PIK3C3: variants seen among roughly 807,000 people sequenced by gnomAD.
PIK3C3 encodes phosphatidylinositol 3-kinase catalytic subunit type 3, also known as PI3-kinase type 3.
In PIK3C3, 95 loss-of-function variants were observed where a neutral mutation model predicts 126.1. The observed-to-expected ratio is 0.75, with a 90% CI of 0.64 to 0.89. The LOEUF is 0.89. Ranked by LOEUF, PIK3C3 falls within the 40% of genes least tolerant of loss-of-function variation. The pLI is 0.00. For missense variants in PIK3C3, 829 were observed against 1,063.2 expected, an observed-to-expected ratio of 0.78 and a Z score of 3.06; for synonymous variants, 374 against 360.0, an observed-to-expected ratio of 1.04 and a Z score of -0.44.
chr18:42,052,111 G>C (rs1308872557), intron 21 of PIK3C3, among the ~76,000 whole-genome samples: 1 of 151,984 alleles, frequency 6.6e-6, no homozygotes, highest in African/African-American at 2.4e-5. Context: ...ATCAGACAGT[G>C]TAAAAAACCT....
intron 20 of PIK3C3, among the ~76,000 whole-genome samples, chr18:42,048,257 C>A (rs753061666): frequency 5.9e-5 from 9 of 152,110 alleles, no homozygotes; most frequent in Non-Finnish European, 1.2e-4. Flanking sequence ...GTGATTAGGA[C>A]CAGGTGAAGG....
chr18:42,009,083 TTAATTTTCTGTTATA>T (rs764853246), intron 10 of PIK3C3, among the ~76,000 whole-genome samples: 29 of 152,206 alleles, frequency 1.9e-4, no homozygotes, highest in South Asian at 1.0e-3. Flanking sequence ...AACATATTGT[TTAATTTTCTGTTATA>T]TAATACTTTT....
rs190365853 is a variant in PIK3C3 at position 42,047,106 on chromosome 18, G to A, written c.2189-2425G>A. On this transcript the variant is annotated intron_variant, in intron 20 of 24. Transcript: ENST00000262039. Reference sequence around the variant, plus strand: ...AAATTTTAGGTCAGAATTAACTGTTGCAACACAGGTGAATCAGTATTCTAT... The same window carrying A: ...AAATTTTAGGTCAGAATTAACTGTTACAACACAGGTGAATCAGTATTCTAT... Among the ~76,000 whole-genome samples the A allele has an allele frequency of 6.0e-4, 91 of 152,210 alleles. 2 individuals carry two copies. The highest frequency in any genetic ancestry group is 2.4e-3 in the Admixed American group (37 of 15,300).
intron 1 of PIK3C3, 81 bp downstream of exon 1, chr18:41,955,440 A>G: frequency 8.2e-7 from 1 of 1,219,204 alleles, no homozygotes; most frequent in South Asian, 1.3e-5. Context: ...AGTGAGAGGC[A>G]GAAAGTACGT....
chr18:41,996,833 A>G (rs1982049103), intron 9 of PIK3C3, 103 bp downstream of exon 9: 2 of 667,712 alleles, frequency 3.0e-6, no homozygotes, highest in Non-Finnish European at 5.2e-6. Flanking sequence ...GTCACTTTAA[A>G]GAAAAGTTAC....
At chr18:41,990,800 T>C (rs1475272567) in intron 6 of PIK3C3, among the ~76,000 whole-genome samples, 1 of 152,172 alleles carries the variant, frequency 6.6e-6, no homozygotes, top group Non-Finnish European at 1.5e-5. Flanking sequence ...TTAAAAACTT[T>C]GTGATTAATT....
chr18:42,038,876 T>C (rs368339329), intron 18 of PIK3C3, 26 bp downstream of exon 18: 51 of 1,379,498 alleles, frequency 3.7e-5, no homozygotes, highest in Non-Finnish European at 5.2e-5. Flanking sequence ...ATCATTATTA[T>C]TTACTTTAGT....
At chr18:41,969,607 C>T (rs1980551977) in intron 3 of PIK3C3, among the ~76,000 whole-genome samples, 1 of 152,148 alleles carries the variant, frequency 6.6e-6, no homozygotes, top group South Asian at 2.1e-4. Flanking sequence ...TATGAATCTA[C>T]TATTGTATTC....
At chr18:42,079,803 C>T (rs1013846456) in intron 24 of PIK3C3, among the ~76,000 whole-genome samples, 7 of 152,048 alleles carry the variant, frequency 4.6e-5, no homozygotes, top group African/African-American at 1.7e-4. Flanking sequence ...TTGGCTTTTA[C>T]CTGCACTTTC....
In PIK3C3 at chr18:42,013,563, C is replaced by A; in HGVS notation, c.1292C>A (p.Ser431Ter). The A allele has an allele frequency of 1.2e-6, 2 of 1,603,696 alleles. No individual in the cohort carries two copies. Among genetic ancestry groups the A allele is most frequent in the South Asian group, 2.2e-5 (2 of 89,490 alleles). The change falls in exon 11 of 25, where the codon TCA becomes TAA. Residue 431 changes from serine to a stop codon, truncating the protein, a stop_gained. Transcript: ENST00000262039. LOFTEE classifies it high-confidence loss of function. ...DSQSSVSENVSNSGINSAEID... is the reference protein window; with the variant it reads ...DSQSSVSENV ...CAGAGTTCAGTGTCAGAAAATGTGT[C>A]AAATTCTGGAATAAATTCTGCAGAA...
At chr18:42,038,878 T>C in intron 18 of PIK3C3, 28 bp downstream of exon 18, 1 of 1,335,426 alleles carries the variant, frequency 7.5e-7, no homozygotes, top group Non-Finnish European at 1.1e-6. Flanking sequence ...CATTATTATT[T>C]ACTTTAGTGT....
intron 15 of PIK3C3, among the ~76,000 whole-genome samples, chr18:42,031,887 A>T (rs961218272): frequency 2.0e-5 from 3 of 152,192 alleles, no homozygotes; most frequent in Admixed American, 6.5e-5. Context: ...GGTTCTTGGG[A>T]TACAGCAGTG....
rs944961672 is a variant in PIK3C3 at position 42,043,723 on chromosome 18, G to A, written c.2104-10G>A. The A allele has an allele frequency of 5.1e-6, 8 of 1,581,592 alleles. No individual in the cohort carries two copies. In the East Asian group the frequency reaches 1.8e-4, roughly 35 times the overall value. ...CTTAATTCTAAAACATGTAAATAAT[G>A]TCTTTTCAGAACTTTTTTAGAAAAT... On this transcript the variant is annotated splice_polypyrimidine_tract_variant and intron_variant, in intron 19 of 24. Transcript: ENST00000262039.
intron 22 of PIK3C3, among the ~76,000 whole-genome samples, chr18:42,060,701 C>T (rs960159829): frequency 7.2e-5 from 11 of 151,984 alleles, no homozygotes; most frequent in East Asian, 1.9e-4. Context: ...TGCTTGAACC[C>T]GAGAGGCAGA....
rs569487520 is a variant in PIK3C3, at chr18:42,057,067, C to G, written c.2264-816C>G. Among the ~76,000 whole-genome samples the G allele has an allele frequency of 3.4e-4, 46 of 135,676 alleles. No homozygotes were observed. The East Asian group carries it at 8.1e-3, about 24-fold the overall frequency. The allele number at this position is 135,676 out of a possible 152,430, so 89.0% of individuals were successfully genotyped here. A position where few individuals can be genotyped will look rare whatever the true frequency, so the allele number is the denominator to read the frequency against. ...CTTTTAATAGAAATGAACCCCCCCC[C>G]CCGTGTTGACATTTTATGATCTTAA... is the stretch of plus-strand genomic sequence containing the variant. On this transcript the variant is annotated intron_variant, in intron 21 of 24. Coordinates refer to ENST00000262039, the MANE Select transcript of PIK3C3 (RefSeq NM_002647.4).
chr18:42,028,418 A>G (rs1983671168), intron 14 of PIK3C3, among the ~76,000 whole-genome samples: 1 of 152,222 alleles, frequency 6.6e-6, no homozygotes, highest in East Asian at 1.9e-4. Flanking sequence ...GTCACAGTTT[A>G]GCCAGCAGAG....
At chr18:42,033,774 T>C (rs1453443775) in intron 15 of PIK3C3, 52 bp from the exon 16 acceptor site, 1 of 1,386,432 alleles carries the variant, frequency 7.2e-7, no homozygotes, top group Non-Finnish European at 9.8e-7. Context: ...CTATATGTTT[T>C]ATAAACTACT....
chr18:42,040,736 A>G lies in PIK3C3; in HGVS notation c.2098A>G (p.Ile700Val), dbSNP rs747021898. 1 of 1,595,024 alleles carries G rather than the reference A, an allele frequency of 6.3e-7. No individual in the cohort carries two copies. The highest frequency in any genetic ancestry group is 1.7e-5 in the Admixed American group (1 of 59,714). ...VAEVLDTEGS[I>V]QNFFRKYAPS... is the part of the protein sequence containing the mutation. ...TGAAGTTCTTGATACAGAGGGAAGC[A>G]TTCAGGTATGGTATCAATAAAGATT... Residue 700 changes from isoleucine (I) to valine (V), a missense_variant, in exon 19 of 25, where the codon ATT becomes GTT. Ile to Val is a conservative substitution (Grantham distance 29, BLOSUM62 3). Transcript: ENST00000262039.
Position 42,067,314 on chromosome 18 carries a change from A to C in PIK3C3, c.2524-74A>C. The C allele has an allele frequency of 3.8e-6, 5 of 1,319,990 alleles. No homozygotes were observed. The South Asian group carries it at 6.2e-5, about 16-fold the overall frequency. The allele number at this position is 1,319,990 out of a possible 1,614,324, so 81.8% of individuals were successfully genotyped here. ...GCTCATGTTACCTTATAATGTCTGC[A>C]TCAGTTTGATTCTGCCTGTTCAAAA... On this transcript the variant is annotated intron_variant, in intron 23 of 24. Coordinates refer to ENST00000262039, the MANE Select transcript of PIK3C3 (RefSeq NM_002647.4).
Sources: allele counts gnomAD v4.1 joint callset (sites outside exome capture counted in the v4.1 genomes callset), GRCh38; gene constraint gnomAD v4.1.1; transcripts MANE v1.5; gene names NCBI Gene and HGNC (gene_info 2026-07-23, HGNC 2026-07-21).